The following RIN2 variants were observed in gnomAD, a reference collection of about 807,000 sequenced individuals.
The protein encoded by RIN2 is RAB5 interacting protein 2.
In RIN2, 36 loss-of-function variants were observed where a neutral mutation model predicts 78.0. That is an observed-to-expected ratio of 0.46 (90% CI 0.35 to 0.61). The LOEUF (loss-of-function observed/expected upper bound fraction) is 0.61. RIN2 is among the 20% of genes least tolerant of loss of function. The probability of loss-of-function intolerance (pLI) is 0.00; values close to 1 mark genes in which losing one functional copy is unlikely to be tolerated. For missense variants in RIN2, 1,087 were observed against 1,159.7 expected (o/e 0.94, Z 0.91); for synonymous variants, 466 against 466.8 (o/e 1.00, Z 0.02).
chr20:19,792,398 G>C (rs767861002), intron 1 of RIN2, among the ~76,000 whole-genome samples: 2 of 152,152 alleles, frequency 1.3e-5, no homozygotes, highest in African/African-American at 4.8e-5. Context: ...ATTTAAACAA[G>C]AGCAGAATCC....
chr20:19,954,703 C>A (rs2041464344), intron 4 of RIN2, among the ~76,000 whole-genome samples: 2 of 56,366 alleles, frequency 3.5e-5, no homozygotes, highest in South Asian at 1.0e-3. Flanking sequence ...GCCCTGTGCC[C>A]CTCACCCCTG....
At chr20:19,886,675 G>C (rs1368279104) in intron 2 of RIN2, 5 of 1,444,028 alleles carry the variant, frequency 3.5e-6, no homozygotes, top group Non-Finnish European at 4.7e-6. Flanking sequence ...TGGACATGTT[G>C]GACTCATTTT....
At chr20:19,896,659 C>G (rs763571524) in intron 3 of RIN2, among the ~76,000 whole-genome samples, 1 of 152,166 alleles carries the variant, frequency 6.6e-6, no homozygotes, top group Non-Finnish European at 1.5e-5. Context: ...ACAATTTACT[C>G]ATAATAGTAT....
intron 2 of RIN2, among the ~76,000 whole-genome samples, chr20:19,859,383 A>G (rs2037264358): frequency 6.6e-6 from 1 of 152,234 alleles, no homozygotes; most frequent in Admixed American, 6.5e-5. Context: ...TTAGGCAAGA[A>G]TAGTGCTTCC....
intron 2 of RIN2, among the ~76,000 whole-genome samples, chr20:19,885,992 C>G (rs1174416365): frequency 1.4e-5 from 2 of 143,836 alleles, no homozygotes; most frequent in Non-Finnish European, 3.0e-5. Context: ...GGGGAAGGGA[C>G]AGTAGAGGTG....
intron 2 of RIN2, among the ~76,000 whole-genome samples, chr20:19,863,256 G>C (rs954267116): frequency 6.6e-6 from 1 of 152,134 alleles, no homozygotes; most frequent in Non-Finnish European, 1.5e-5. Flanking sequence ...AACACGTTTT[G>C]TCTCATTTCT....
intron 2 of RIN2, among the ~76,000 whole-genome samples, chr20:19,844,630 CTT>C (rs1461279879): frequency 2.3e-5 from 3 of 128,714 alleles, no homozygotes; most frequent in African/African-American, 1.1e-4. Context: ...TCTTCTTCTT[CTT>C]CTTCTTCTTC....
intron 9 of RIN2, among the ~76,000 whole-genome samples, chr20:19,977,439 G>A (rs1039830140): frequency 1.3e-5 from 2 of 152,180 alleles, no homozygotes; most frequent in Non-Finnish European, 2.9e-5. Flanking sequence ...CACTACTCTA[G>A]AAGGATGCAG....
intron 2 of RIN2, among the ~76,000 whole-genome samples, chr20:19,844,106 G>A (rs1401845222): frequency 1.3e-5 from 2 of 152,238 alleles, no homozygotes; most frequent in Non-Finnish European, 2.9e-5. Context: ...GCCAAAATAA[G>A]GGAGAGTAGC....
At position 19,890,737 on chromosome 20, in the gene RIN2, A is replaced by G. The variant is rs902951731; in HGVS notation, c.57+1079A>G. 3.3e-5 allele frequency among the ~76,000 whole-genome samples: 5 copies of G among 150,890 alleles called. No homozygotes were observed. The East Asian group carries it at 7.8e-4, about 24-fold the overall frequency. ...AGAACCTGCTGATAAAGCAAAGTTCATGAGATTTACTGAAATAAGGAAGAA... is the reference window on the plus strand; with the variant it reads ...AGAACCTGCTGATAAAGCAAAGTTCGTGAGATTTACTGAAATAAGGAAGAA... On this transcript the variant is annotated intron_variant, in intron 3 of 12. Coordinates refer to ENST00000255006, the MANE Select transcript of RIN2 (RefSeq NM_018993.4).
intron 3 of RIN2, among the ~76,000 whole-genome samples, chr20:19,916,471 T>C (rs895389304): frequency 6.6e-6 from 1 of 152,114 alleles, no homozygotes; most frequent in Non-Finnish European, 1.5e-5. Context: ...ATAAAAATAT[T>C]AGCTGGGCGT....
At position 20,000,714 on chromosome 20, in the gene RIN2, C is replaced by T. The variant is rs372906526; in HGVS notation, c.2466C>T (p.Cys822=). 3.0e-5 allele frequency: 48 copies of T among 1,613,832 alleles called. No individual in the cohort carries two copies. The highest frequency in any genetic ancestry group is 8.3e-5 in the Admixed American group (5 of 59,992). ...CCACTGAGGATGTGTGTCAGATCTG[C>T]GCTGAGAAGTTCAAGGTGGGGGACC... The part of the protein sequence containing the change: ...YITTEDVCQI[C]AEKFKVGDPE... The change falls in exon 13 of 13, where the codon TGC becomes TGT. Residue 822 remains cysteine (C), a synonymous_variant. Coordinates refer to ENST00000255006, the MANE Select transcript of RIN2 (RefSeq NM_018993.4).
At chr20:19,784,059 G>T (rs1002847592) in intron 1 of RIN2, among the ~76,000 whole-genome samples, 1 of 152,192 alleles carries the variant, frequency 6.6e-6, no homozygotes, top group African/African-American at 2.4e-5. Flanking sequence ...TCAGAGCAGG[G>T]CTGGCACGTG....
intron 4 of RIN2, among the ~76,000 whole-genome samples, chr20:19,941,741 T>C (rs993437508): frequency 6.6e-6 from 1 of 152,154 alleles, no homozygotes; most frequent in Non-Finnish European, 1.5e-5. Context: ...GTCCTGAACA[T>C]GATTTCAATG....
At chr20:19,760,641 A>G (rs753834340) in intron 1 of RIN2, among the ~76,000 whole-genome samples, 1 of 152,136 alleles carries the variant, frequency 6.6e-6, no homozygotes, top group Admixed American at 6.5e-5. Context: ...ATCAGGTATC[A>G]CAGATGAAAC....
intron 3 of RIN2, chr20:19,896,078 C>A (rs1568582600): frequency 6.6e-6 from 1 of 152,160 alleles, no homozygotes; most frequent in East Asian, 1.9e-4. Context: ...CATTCATCTG[C>A]ATGCACAGTA....
chr20:19,805,744 G>A (rs1289362586), intron 2 of RIN2, among the ~76,000 whole-genome samples: 1 of 151,528 alleles, frequency 6.6e-6, no homozygotes, highest in Non-Finnish European at 1.5e-5. Flanking sequence ...TATACTTTAA[G>A]TTCTGGGGTA....
chr20:19,849,299 C>G (rs189231495), intron 2 of RIN2, among the ~76,000 whole-genome samples: 1 of 152,094 alleles, frequency 6.6e-6, no homozygotes, highest in Non-Finnish European at 1.5e-5. Flanking sequence ...CGATACTGAC[C>G]AACTATCAAG....
At chr20:19,905,092 C>T (rs916460768) in intron 3 of RIN2, among the ~76,000 whole-genome samples, 1 of 152,160 alleles carries the variant, frequency 6.6e-6, no homozygotes, top group Non-Finnish European at 1.5e-5. Context: ...GTCCCGTTCC[C>T]ACTTTCTGGT....
Sources: allele counts gnomAD v4.1 joint callset (sites outside exome capture counted in the v4.1 genomes callset), GRCh38; gene constraint gnomAD v4.1.1; transcripts MANE v1.5; gene names NCBI Gene and HGNC (gene_info 2026-07-23, HGNC 2026-07-21).